Variants in TG observed in about 807,000 individuals in gnomAD.
TG encodes the protein thyroid hormones.
In TG, 270 loss-of-function variants were observed where a neutral mutation model predicts 324.7. The ratio of observed to expected loss-of-function variants is 0.83; its 90% CI spans 0.75 to 0.92. The LOEUF is 0.92. TG is among the 40% of genes least tolerant of loss of function. TG has a pLI of 0.00. For missense variants in TG, 3,591 were observed against 3,456.4 expected (o/e 1.04, Z -0.98); for synonymous variants, 1,401 against 1,327.0 (o/e 1.06, Z -1.21).
chr8:133,036,614 C>T (rs1837168275), intron 41 of TG: 1 of 152,380 alleles, frequency 6.6e-6, no homozygotes, highest in Non-Finnish European at 1.5e-5. Flanking sequence ...CACCAGGTTT[C>T]TCTGGGTGAT....
At chr8:133,131,737 T>C in intron 45 of TG, 75 bp from the exon 46 acceptor site, 1 of 1,588,442 alleles carries the variant, frequency 6.3e-7, no homozygotes, top group Non-Finnish European at 8.6e-7. Context: ...GAAATATTTT[T>C]GTTTGTGTGT....
chr8:132,890,029 G>A (rs1054160468), intron 10 of TG, among the ~76,000 whole-genome samples: 17 of 151,908 alleles, frequency 1.1e-4, no homozygotes, highest in Admixed American at 5.3e-4. Flanking sequence ...TGATCCACCC[G>A]CCACAGCCTC....
At chr8:133,000,879 A>G (rs1833413151) in intron 35 of TG, among the ~76,000 whole-genome samples, 1 of 152,152 alleles carries the variant, frequency 6.6e-6, no homozygotes, top group Non-Finnish European at 1.5e-5. Flanking sequence ...CGAACTGGGT[A>G]GCTTCAACAA....
intron 41 of TG, among the ~76,000 whole-genome samples, chr8:133,036,505 C>T (rs533213984): frequency 2.6e-5 from 4 of 152,234 alleles, no homozygotes; most frequent in Admixed American, 6.5e-5. Context: ...CCTTCAATCC[C>T]TTAGGCCCAT....
chr8:132,916,066 G>A (rs988149081), intron 20 of TG, among the ~76,000 whole-genome samples: 2 of 152,284 alleles, frequency 1.3e-5, no homozygotes, highest in South Asian at 2.1e-4. Context: ...ATGAGGAACC[G>A]AGGGGCCTAT....
intron 41 of TG, among the ~76,000 whole-genome samples, chr8:133,066,574 C>G (rs1843071918): frequency 6.6e-6 from 1 of 152,140 alleles, no homozygotes; most frequent in African/African-American, 2.4e-5. Context: ...CAGATTTTCT[C>G]CCAAGTGCCT....
intron 41 of TG, among the ~76,000 whole-genome samples, chr8:133,070,094 G>A (rs1218430630): frequency 3.3e-5 from 5 of 151,606 alleles, no homozygotes; most frequent in Non-Finnish European, 5.9e-5. Flanking sequence ...CTAGGAGACC[G>A]CGGATTTGTG....
intron 35 of TG, among the ~76,000 whole-genome samples, chr8:133,009,296 A>G (rs1424484138): frequency 6.6e-6 from 1 of 152,138 alleles, no homozygotes; most frequent in Non-Finnish European, 1.5e-5. Flanking sequence ...AATGCCCCTT[A>G]TATTGACCAT....
chr8:133,017,998 GTAT>G lies in TG; in HGVS notation c.6782+2_6782+4del. 1 of 1,614,022 alleles carries G rather than the reference GTAT, an allele frequency of 6.2e-7. No individual in the cohort carries two copies. The highest frequency in any genetic ancestry group is 8.5e-7 in the Non-Finnish European group (1 of 1,179,918). On this transcript the variant is annotated splice_donor_variant and splice_donor_region_variant and intron_variant, in intron 38 of 47. Coordinates refer to ENST00000220616, the MANE Select transcript of TG (RefSeq NM_003235.5). LOFTEE classifies it high-confidence loss of function. ...GCTCCTGGGATGCCAGCAAGCCAAG[GTAT>G]GGGTTGAGTGGAGCACATCTTGGTA...
In TG at chr8:132,893,720, G is replaced by T. The variant is rs150472791; in HGVS notation, c.2792G>T (p.Arg931Leu). The T allele has an allele frequency of 1.9e-6, 3 of 1,613,798 alleles. No homozygotes were observed. The African/African-American group carries it at 4.0e-5, about 22-fold the overall frequency. The change falls in exon 11 of 48, where the codon CGT (arginine) becomes CTT (leucine). Residue 931 changes from arginine to leucine, a missense_variant. By Grantham distance (102) the Arg-to-Leu change is moderately radical (BLOSUM62 -2). Transcript: ENST00000220616. ...CPGSCEEAKL[R>L]VLQFIRETEE... is the part of the protein sequence containing the mutation. ...GGCTCCTGTGAGGAAGCAAAGCTCC[G>T]TGTACTGCAGTTCATTAGGGAAACG...
At chr8:133,109,813 C>T (rs779315564) in intron 43 of TG, among the ~76,000 whole-genome samples, 2 of 152,200 alleles carry the variant, frequency 1.3e-5, no homozygotes, top group Admixed American at 6.5e-5. Flanking sequence ...ATCATTCTCA[C>T]CCCTTGGCAG....
chr8:132,992,391 GT>G (rs1212348893), intron 35 of TG, among the ~76,000 whole-genome samples: 1 of 152,182 alleles, frequency 6.6e-6, no homozygotes, highest in Non-Finnish European at 1.5e-5. Flanking sequence ...TGGCTTCAAT[GT>G]GCTCCATCAG....
chr8:133,026,839 G>A (rs1275777915), intron 40 of TG, among the ~76,000 whole-genome samples: 1 of 152,160 alleles, frequency 6.6e-6, no homozygotes, highest in African/African-American at 2.4e-5. Flanking sequence ...ACTGCTAGGA[G>A]CATCAGCAAC....
At chr8:133,076,664 A>T (rs1190488258) in intron 41 of TG, 1 of 151,966 alleles carries the variant, frequency 6.6e-6, no homozygotes, top group Non-Finnish European at 1.5e-5. Flanking sequence ...ACCAAGAAAG[A>T]ATCTAGTACA....
intron 42 of TG, among the ~76,000 whole-genome samples, chr8:133,095,577 T>C (rs1848283883): frequency 6.6e-6 from 1 of 152,214 alleles, no homozygotes; most frequent in Non-Finnish European, 1.5e-5. Context: ...CACAGCTAGA[T>C]GTGTTGAGTA....
intron 43 of TG, among the ~76,000 whole-genome samples, chr8:133,110,130 C>T (rs993033165): frequency 3.3e-5 from 5 of 152,174 alleles, no homozygotes; most frequent in African/African-American, 1.2e-4. Context: ...GGGGAGAACC[C>T]ACTTTAGTGC....
rs193193464 is a variant in TG, at chr8:133,060,367, G to T, written c.7239+30344G>T. 391 of 1,537,256 alleles carry T rather than the reference G, an allele frequency of 2.5e-4. 1 individual carries two copies. Among genetic ancestry groups the T allele is most frequent in the Admixed American group, 1.4e-3 (65 of 47,104 alleles). ...ATTGGTGAAGATTGGTTACTTTTGC[G>T]CAGCTCAAGTTCTTTTATCAAGGGA... On this transcript the variant is annotated intron_variant, in intron 41 of 47. Transcript: ENST00000220616.
chr8:133,082,166 C>T (rs10100520), intron 41 of TG, among the ~76,000 whole-genome samples: 39,030 of 151,968 alleles, frequency 0.26, 5,324 homozygotes, highest in African/African-American at 0.31. Flanking sequence ...GTTGTCAGGC[C>T]GCATGAAGGG....
chr8:133,028,185 C>T (rs765430204), intron 40 of TG, among the ~76,000 whole-genome samples: 13 of 152,194 alleles, frequency 8.5e-5, no homozygotes, highest in South Asian at 2.1e-4. Context: ...AGGCTGTGGA[C>T]GTCACTTTTC....
Sources: gnomAD v4.1 joint callset for allele counts (sites outside exome capture counted in the v4.1 genomes callset) on GRCh38, gnomAD v4.1.1 for gene constraint, MANE v1.5 for transcripts, NCBI Gene and HGNC (gene_info 2026-07-23, HGNC 2026-07-21) for gene names.